MAP7: variants seen among roughly 807,000 people sequenced by gnomAD.
MAP7 encodes the protein microtubule associated protein 7.
Under a neutral mutation model 94.8 loss-of-function variants are expected in MAP7, and 52 were observed. That is an observed-to-expected ratio of 0.55 (90% confidence interval 0.44 to 0.69). The LOEUF (loss-of-function observed/expected upper bound fraction) is 0.69, where lower values mean the gene tolerates loss of function less well. Ranked by LOEUF, MAP7 falls within the 30% of genes least tolerant of loss-of-function variation. MAP7 has a pLI of 0.00. For synonymous variants in MAP7, 350 were observed against 357.0 expected (o/e 0.98, Z 0.22); for missense variants, 940 against 964.6 (o/e 0.97, Z 0.34).
At chr6:136,348,187 AAAG>A (rs1284752810) in intron 16 of MAP7, among the ~76,000 whole-genome samples, 1 of 152,208 alleles carries the variant, frequency 6.6e-6, no homozygotes, top group Non-Finnish European at 1.5e-5. Context: ...GGCAAAGGAT[AAAG>A]AACAGGAACG....
At chr6:136,464,723 G>A (rs1806393256) in intron 1 of MAP7, among the ~76,000 whole-genome samples, 1 of 152,194 alleles carries the variant, frequency 6.6e-6, no homozygotes. Flanking sequence ...GAGATTAGGT[G>A]TGGTCTCTCC....
chr6:136,353,321 T>C (rs370490752), intron 16 of MAP7, among the ~76,000 whole-genome samples: 14 of 152,212 alleles, frequency 9.2e-5, no homozygotes, highest in South Asian at 4.1e-4. Context: ...ATGAACCAGC[T>C]GAACTGCTAA....
chr6:136,429,870 A>G (rs1794382517), intron 1 of MAP7, among the ~76,000 whole-genome samples: 1 of 152,248 alleles, frequency 6.6e-6, no homozygotes, highest in Admixed American at 6.5e-5. Context: ...AATATAAATC[A>G]GATTAAAAGG....
rs945981505 is a variant in MAP7 at position 136,438,596 on chromosome 6, C to T, written c.68-16797G>A. 1.1e-4 allele frequency among the ~76,000 whole-genome samples: 17 copies of T among 152,116 alleles called. 1 individual carries two copies. The highest frequency in any genetic ancestry group is 4.1e-4 in the African/African-American group (17 of 41,420). On this transcript the variant is annotated intron_variant, in intron 1 of 17. Transcript: ENST00000354570. Reference sequence around the variant, plus strand: ...CTGTCCTGACCCTAGGAGAACTTCCCTCACTGCTTTGTAAAAGTTCAGCCA... The same window carrying T: ...CTGTCCTGACCCTAGGAGAACTTCCTTCACTGCTTTGTAAAAGTTCAGCCA...
intron 3 of MAP7, among the ~76,000 whole-genome samples, chr6:136,404,288 T>C (rs926720080): frequency 6.6e-6 from 1 of 151,494 alleles, no homozygotes; most frequent in Non-Finnish European, 1.5e-5. Flanking sequence ...TTATTAGTAC[T>C]GCCGTCACTC....
intron 2 of MAP7, 60 bp from the exon 3 acceptor site, chr6:136,411,757 G>T (rs1787556857): frequency 7.7e-7 from 1 of 1,299,796 alleles, no homozygotes; most frequent in Non-Finnish European, 1.1e-6. Context: ...AAAAGAAAAA[G>T]AAAAAACACA....
intron 1 of MAP7, among the ~76,000 whole-genome samples, chr6:136,477,881 T>C (rs113750859): frequency 0.015 from 2,290 of 152,342 alleles, 64 homozygotes; most frequent in African/African-American, 0.052. Flanking sequence ...ACATGGATCA[T>C]TCTCAAGGTT....
At chr6:136,347,607 T>G (rs1788045116) in intron 16 of MAP7, among the ~76,000 whole-genome samples, 1 of 152,234 alleles carries the variant, frequency 6.6e-6, no homozygotes, top group South Asian at 2.1e-4. Context: ...GGTTTCTTCG[T>G]GTTGGCCAGG....
chr6:136,409,552 C>T (rs1415601604), intron 3 of MAP7, among the ~76,000 whole-genome samples: 1 of 152,168 alleles, frequency 6.6e-6, no homozygotes, highest in Non-Finnish European at 1.5e-5. Context: ...CAGCAAATGT[C>T]TTTTTTCCAC....
At chr6:136,414,110 G>T (rs111612463) in intron 2 of MAP7, among the ~76,000 whole-genome samples, 1 of 151,290 alleles carries the variant, frequency 6.6e-6, no homozygotes, top group African/African-American at 2.4e-5. Flanking sequence ...AAAATTAGCC[G>T]GGCGTGGTAG....
chr6:136,452,831 G>A lies in MAP7; in HGVS notation c.68-31032C>T, dbSNP rs938755031. Among the ~76,000 whole-genome samples the A allele has an allele frequency of 9.2e-4, 140 of 152,282 alleles. 3 individuals carry two copies. Among genetic ancestry groups the A allele is most frequent in the Middle Eastern group, 3.4e-3 (1 of 294 alleles). On this transcript the variant is annotated intron_variant, in intron 1 of 17. Transcript: ENST00000354570. ...TCTTTCCAAAGTGCTGGCATTACAG[G>A]CATGAGCCACCATGCCCGGCCACTA...
intron 17 of MAP7, 35 bp downstream of exon 17, chr6:136,345,821 T>C (rs751087964): frequency 2.0e-6 from 3 of 1,529,078 alleles, no homozygotes; most frequent in Non-Finnish European, 1.8e-6. Context: ...CAGATATTTC[T>C]GATGACTACA....
At chr6:136,439,767 G>C (rs3778305) in intron 1 of MAP7, among the ~76,000 whole-genome samples, 2,502 of 152,164 alleles carry the variant, frequency 0.016, 86 homozygotes, top group East Asian at 0.14. Flanking sequence ...ATTAAGCAAA[G>C]ATAAGCAACT....
intron 8 of MAP7, among the ~76,000 whole-genome samples, chr6:136,368,589 A>C (rs1248685556): frequency 6.6e-6 from 1 of 152,244 alleles, no homozygotes; most frequent in Non-Finnish European, 1.5e-5. Flanking sequence ...ATTTGAATTT[A>C]AATCTAAATT....
chr6:136,518,388 C>T lies in MAP7; in HGVS notation c.67+31954G>A, dbSNP rs947157435. 2.0e-5 allele frequency among the ~76,000 whole-genome samples: 3 copies of T among 152,106 alleles called. No individual in the cohort carries two copies. The South Asian group carries it at 6.2e-4, about 32-fold the overall frequency. On this transcript the variant is annotated intron_variant, in intron 1 of 17. Coordinates refer to ENST00000354570, the MANE Select transcript of MAP7 (RefSeq NM_003980.6). The stretch of plus-strand genomic sequence containing the variant: ...ATTGCTGGGCAGATAGCCTGAAAAA[C>T]AGGACCTGCATTTTACAGTTGGCAT...
intron 1 of MAP7, among the ~76,000 whole-genome samples, chr6:136,516,386 G>A (rs1429391865): frequency 2.0e-5 from 3 of 152,048 alleles, no homozygotes; most frequent in African/African-American, 4.8e-5. Context: ...TTGAACTCCT[G>A]GGCTCAAATG....
At chr6:136,442,871 T>A (rs1798276292) in intron 1 of MAP7, among the ~76,000 whole-genome samples, 1 of 152,264 alleles carries the variant, frequency 6.6e-6, no homozygotes, top group East Asian at 1.9e-4. Flanking sequence ...TTTTAACAGT[T>A]TTTGTGCTTT....
intron 5 of MAP7, among the ~76,000 whole-genome samples, chr6:136,384,283 C>CGTT (rs370736421): frequency 4.0e-4 from 60 of 151,700 alleles, no homozygotes; most frequent in African/African-American, 1.3e-3. Flanking sequence ...GAAGAAGGCT[C>CGTT]GTTGTTGTTG....
At chr6:136,448,402 G>A (rs1183916977) in intron 1 of MAP7, among the ~76,000 whole-genome samples, 2 of 151,682 alleles carry the variant, frequency 1.3e-5, no homozygotes, top group East Asian at 3.9e-4. Flanking sequence ...AAAGGCTATG[G>A]TTAATGACTA....
Sources: gnomAD v4.1 joint callset for allele counts (sites outside exome capture counted in the v4.1 genomes callset) on GRCh38, gnomAD v4.1.1 for gene constraint, MANE v1.5 for transcripts, NCBI Gene and HGNC (gene_info 2026-07-23, HGNC 2026-07-21) for gene names.